ENAH: variants seen among roughly 807,000 people sequenced by gnomAD.
ENAH encodes the protein protein enabled homolog.
Under a neutral mutation model 78.7 loss-of-function variants are expected in ENAH, and 23 were observed. The ratio of observed to expected loss-of-function variants is 0.29; its 90% CI spans 0.21 to 0.41. ENAH has a LOEUF of 0.41. ENAH is among the 10% of genes least tolerant of loss of function. The pLI, the probability that ENAH is intolerant of heterozygous loss-of-function variation, is 1.00. For synonymous variants in ENAH, 226 were observed against 241.0 expected, an observed-to-expected ratio of 0.94 and a Z score of 0.58; for missense variants, 544 against 691.0, an observed-to-expected ratio of 0.79 and a Z score of 2.39.
chr1:225,641,786 C>T (rs1003551536), intron 1 of ENAH, among the ~76,000 whole-genome samples: 6 of 151,620 alleles, frequency 4.0e-5, no homozygotes, highest in Non-Finnish European at 7.4e-5. Flanking sequence ...TTTGGGAGGC[C>T]GAGGCAGGCA....
rs1305364931 is a variant in ENAH, at chr1:225,494,451, C to T, written c.*3324G>A. The T allele has an allele frequency of 6.6e-6, 1 of 152,104 alleles. No homozygotes were observed. The highest frequency in any genetic ancestry group is 2.4e-5 in the African/African-American group (1 of 41,426). The allele number at this position is 152,104 out of a possible 1,614,324, so 9.4% of individuals were successfully genotyped here. On this transcript the variant is annotated 3_prime_UTR_variant, in exon 14 of 14. Transcript: ENST00000366843. Reference sequence around the variant, plus strand: ...CAAACTACATAAAGGATAATTCTAACTGCATGAATGAGTTTTAAGTACCTG... The same window carrying T: ...CAAACTACATAAAGGATAATTCTAATTGCATGAATGAGTTTTAAGTACCTG...
chr1:225,514,259 C>T (rs890257578), intron 7 of ENAH, among the ~76,000 whole-genome samples: 9 of 151,996 alleles, frequency 5.9e-5, no homozygotes, highest in South Asian at 2.1e-4. Flanking sequence ...CTCCACCTCC[C>T]GGGTTCAAGC....
chr1:225,543,001 A>G (rs931004702), intron 3 of ENAH, among the ~76,000 whole-genome samples: 31 of 151,956 alleles, frequency 2.0e-4, no homozygotes, highest in Admixed American at 9.8e-4. Context: ...ATTGGGCAAC[A>G]GAGCAAGACT....
intron 1 of ENAH, among the ~76,000 whole-genome samples, chr1:225,617,187 G>C (rs1169750215): frequency 6.6e-6 from 1 of 151,986 alleles, no homozygotes; most frequent in Non-Finnish European, 1.5e-5. Flanking sequence ...ACACGAAAAA[G>C]AAAAGGACAT....
intron 1 of ENAH, among the ~76,000 whole-genome samples, chr1:225,571,943 T>C (rs1316546893): frequency 6.6e-6 from 1 of 152,142 alleles, no homozygotes; most frequent in African/African-American, 2.4e-5. Flanking sequence ...AAATGGGTAA[T>C]AGTGAAGCGC....
At chr1:225,571,093 C>A (rs941468010) in intron 1 of ENAH, among the ~76,000 whole-genome samples, 2 of 150,692 alleles carry the variant, frequency 1.3e-5, no homozygotes, top group African/African-American at 4.9e-5. Context: ...AAAAGTTGCA[C>A]TTGGGCCAGG....
At chr1:225,603,021 G>A (rs1355433136) in intron 1 of ENAH, among the ~76,000 whole-genome samples, 1 of 151,602 alleles carries the variant, frequency 6.6e-6, no homozygotes, top group African/African-American at 2.4e-5. Flanking sequence ...AACATACTAT[G>A]AAGTATAGCC....
chr1:225,532,462 A>G (rs2096542714), intron 3 of ENAH, among the ~76,000 whole-genome samples: 2 of 152,112 alleles, frequency 1.3e-5, no homozygotes, highest in Non-Finnish European at 2.9e-5. Context: ...TTTGGCATCT[A>G]CCTCAAAGAA....
chr1:225,514,927 C>T, intron 6 of ENAH, 27 bp from the exon 7 acceptor site: 1 of 1,576,444 alleles, frequency 6.3e-7, no homozygotes, highest in Non-Finnish European at 8.7e-7. Context: ...TTAAGTAAGA[C>T]CATCAACAAT....
intron 1 of ENAH, among the ~76,000 whole-genome samples, chr1:225,589,322 A>C (rs2096863858): frequency 6.6e-6 from 1 of 152,236 alleles, no homozygotes; most frequent in Admixed American, 6.5e-5. Flanking sequence ...AAATATATAT[A>C]AGCATTATTG....
chr1:225,580,045 A>G (rs1386617016), intron 1 of ENAH: 1 of 152,090 alleles, frequency 6.6e-6, no homozygotes, highest in East Asian at 1.9e-4. Flanking sequence ...CTAAGTATAC[A>G]CTGTAAGAAA....
At chr1:225,645,534 T>A (rs1416333307) in intron 1 of ENAH, among the ~76,000 whole-genome samples, 1 of 152,226 alleles carries the variant, frequency 6.6e-6, no homozygotes, top group Non-Finnish European at 1.5e-5. Flanking sequence ...AATGTTTTCA[T>A]TTCTAGGAAA....
At chr1:225,588,941 C>T (rs1034079775) in intron 1 of ENAH, among the ~76,000 whole-genome samples, 2 of 151,714 alleles carry the variant, frequency 1.3e-5, no homozygotes, top group African/African-American at 2.4e-5. Flanking sequence ...ATCGACAAGA[C>T]GATGAATAAA....
chr1:225,546,059 G>A (rs1575477710), intron 3 of ENAH, among the ~76,000 whole-genome samples: 1 of 151,704 alleles, frequency 6.6e-6, no homozygotes, highest in African/African-American at 2.4e-5. Context: ...AAGAAGCTAG[G>A]GCTATAGATG....
intron 1 of ENAH, among the ~76,000 whole-genome samples, chr1:225,610,549 T>C (rs1181791695): frequency 1.3e-5 from 2 of 152,130 alleles, no homozygotes; most frequent in Non-Finnish European, 2.9e-5. Context: ...CATCTTAAAC[T>C]TCATACCAAG....
At chr1:225,622,871 T>C (rs181502578) in intron 1 of ENAH, among the ~76,000 whole-genome samples, 20 of 152,042 alleles carry the variant, frequency 1.3e-4, no homozygotes, top group African/African-American at 4.6e-4. Context: ...CAGAGAGTAA[T>C]TTGCACCAGG....
intron 3 of ENAH, among the ~76,000 whole-genome samples, chr1:225,542,889 T>C (rs1020933954): frequency 1.4e-4 from 22 of 151,956 alleles, no homozygotes; most frequent in Admixed American, 1.4e-3. Context: ...TGTGGTGGCA[T>C]GCACCTGTAG....
intron 1 of ENAH, chr1:225,580,250 T>C (rs1409704704): frequency 6.6e-6 from 1 of 152,132 alleles, no homozygotes; most frequent in African/African-American, 2.4e-5. Flanking sequence ...GAAGTGACTC[T>C]GGCTTCCATC....
chr1:225,580,532 G>A (rs928432647), intron 1 of ENAH, among the ~76,000 whole-genome samples: 4 of 152,088 alleles, frequency 2.6e-5, no homozygotes, highest in East Asian at 1.9e-4. Flanking sequence ...AATACGTGAC[G>A]TTTTAAGCCA....
Sources: allele counts gnomAD v4.1 joint callset (sites outside exome capture counted in the v4.1 genomes callset), GRCh38; gene constraint gnomAD v4.1.1; transcripts MANE v1.5; gene names NCBI Gene and HGNC (gene_info 2026-07-23, HGNC 2026-07-21).